Variants in EFCAB14 observed in about 807,000 individuals in gnomAD.
EFCAB14 encodes EF-hand calcium-binding domain-containing protein 14.
EFCAB14 carries 43 observed loss-of-function variants against 56.5 expected under a neutral mutation model. The observed-to-expected ratio is 0.76, with a 90% CI of 0.60 to 0.98. The LOEUF (loss-of-function observed/expected upper bound fraction) is 0.98. Ranked by LOEUF, EFCAB14 falls within the 50% of genes least tolerant of loss-of-function variation. EFCAB14 has a pLI of 0.00. For missense variants in EFCAB14, 538 were observed against 580.3 expected, an observed-to-expected ratio of 0.93 and a Z score of 0.75; for synonymous variants, 235 against 212.9, an observed-to-expected ratio of 1.10 and a Z score of -0.90.
intron 10 of EFCAB14, among the ~76,000 whole-genome samples, chr1:46,681,761 G>C (rs961572193): frequency 6.6e-6 from 1 of 151,578 alleles, no homozygotes; most frequent in Admixed American, 6.6e-5. Context: ...TGCTGCCTCA[G>C]GTCATTCCAA....
intron 6 of EFCAB14, among the ~76,000 whole-genome samples, chr1:46,689,118 T>C (rs534434568): frequency 6.6e-6 from 1 of 152,312 alleles, no homozygotes; most frequent in African/African-American, 2.4e-5. Context: ...TTCTCTTTAA[T>C]GTGATTCTGA....
chr1:46,708,894 T>C lies in EFCAB14; in HGVS notation c.335-843A>G, dbSNP rs560484657. ...CTTTAAAGAGCATTTTCCCTTTTCATAGAAAATAAAATATTAATAATGGCT... is the reference window on the plus strand; with the variant it reads ...CTTTAAAGAGCATTTTCCCTTTTCACAGAAAATAAAATATTAATAATGGCT... On this transcript the variant is annotated intron_variant, in intron 2 of 10. Coordinates refer to ENST00000371933, the MANE Select transcript of EFCAB14 (RefSeq NM_014774.3). Among the ~76,000 whole-genome samples the C allele has an allele frequency of 1.5e-3, 223 of 151,400 alleles. 1 individual carries two copies. Among genetic ancestry groups the C allele is most frequent in the Non-Finnish European group, 2.0e-3 (136 of 67,902 alleles).
At chr1:46,704,797 G>C (rs1445009323) in intron 3 of EFCAB14, among the ~76,000 whole-genome samples, 1 of 151,918 alleles carries the variant, frequency 6.6e-6, no homozygotes, top group African/African-American at 2.4e-5. Flanking sequence ...AAAACCAGAG[G>C]TTTCATGAAT....
chr1:46,683,702 G>A (rs1288844929), intron 9 of EFCAB14, among the ~76,000 whole-genome samples: 1 of 152,128 alleles, frequency 6.6e-6, no homozygotes, highest in Non-Finnish European at 1.5e-5. Flanking sequence ...ATGTTTAGAT[G>A]GTAAGAGCTT....
chr1:46,685,649 G>T (rs1676869753), intron 8 of EFCAB14, among the ~76,000 whole-genome samples: 1 of 152,146 alleles, frequency 6.6e-6, no homozygotes, highest in South Asian at 2.1e-4. Flanking sequence ...AACAAAAAAG[G>T]CCTGAAAGTA....
In EFCAB14 at chr1:46,691,919, T is replaced by G; in HGVS notation, c.598A>C (p.Asn200His). ...GCAAGATGGACGCTGTTTAAAGTATTGCCAATGGAAGCTACACTCTGAATG... is the reference window on the plus strand; with the variant it reads ...GCAAGATGGACGCTGTTTAAAGTATGGCCAATGGAAGCTACACTCTGAATG... ...GLQKSVASIG[N>H]TLNSVHLAVE... The change falls in exon 5 of 11, where the codon AAT becomes CAT. Residue 200 changes from asparagine (N) to histidine (H), a missense_variant. By Grantham distance (68) the Asn-to-His change is moderately conservative. Transcript: ENST00000371933. 1 of 1,613,220 alleles carries G rather than the reference T, an allele frequency of 6.2e-7. No individual in the cohort carries two copies. Among genetic ancestry groups the G allele is most frequent in the Non-Finnish European group, 8.5e-7 (1 of 1,179,586 alleles).
intron 6 of EFCAB14, among the ~76,000 whole-genome samples, chr1:46,689,161 C>T (rs762111306): frequency 3.9e-5 from 6 of 152,172 alleles, no homozygotes; most frequent in Non-Finnish European, 5.9e-5. Context: ...CTTGCCTTTT[C>T]GTCTTTAGAC....
Position 46,688,478 on chromosome 1 carries a change from T to C in EFCAB14, c.862A>G (p.Asn288Asp). ...NSALVGYQRQ[N>D]DLKLEGMNET... is the part of the protein sequence containing the mutation. The stretch of plus-strand genomic sequence containing the variant: ...TTCATTCCCTCGAGTTTAAGATCAT[T>C]CTGTCTCTGGTACCCCACTAGGGCA... The change falls in exon 7 of 11, where the codon AAT becomes GAT. Residue 288 changes from asparagine (N) to aspartate (D), a missense_variant. Coordinates refer to ENST00000371933, the MANE Select transcript of EFCAB14 (RefSeq NM_014774.3). The C allele has an allele frequency of 6.2e-7, 1 of 1,614,002 alleles. No individual in the cohort carries two copies. The highest frequency in any genetic ancestry group is 8.5e-7 in the Non-Finnish European group (1 of 1,179,898).
intron 1 of EFCAB14, 150 bp from the exon 2 acceptor site, chr1:46,716,593 A>C (rs1677399046): frequency 1.2e-6 from 1 of 831,324 alleles, no homozygotes; most frequent in East Asian, 2.7e-5. Flanking sequence ...CACTTAAATG[A>C]ATAAATAATA....
In EFCAB14 at chr1:46,696,652, G is replaced by C. The variant is rs756318748; in HGVS notation, c.481-3C>G. On this transcript the variant is annotated splice_region_variant and splice_polypyrimidine_tract_variant and intron_variant, in intron 3 of 10. Coordinates refer to ENST00000371933, the MANE Select transcript of EFCAB14 (RefSeq NM_014774.3). ...ACTGCAGAAGTCAACAGAGAAATCT[G>C]AACAAAAAAGAGTAACAAACAATGA... The C allele has an allele frequency of 1.2e-6, 2 of 1,611,164 alleles. No individual in the cohort carries two copies. The highest frequency in any genetic ancestry group is 3.4e-5 in the Admixed American group (2 of 59,614).
chr1:46,693,432 A>G (rs1677029743), intron 4 of EFCAB14, among the ~76,000 whole-genome samples: 1 of 152,224 alleles, frequency 6.6e-6, no homozygotes, highest in African/African-American at 2.4e-5. Flanking sequence ...TACCACTTCA[A>G]AACTGAGCCA....
In EFCAB14 at chr1:46,683,357, C is replaced by A; in HGVS notation, c.1255G>T (p.Val419Phe). The change falls in exon 10 of 11, where the codon GTT becomes TTT. Residue 419 changes from valine to phenylalanine, a missense_variant. Physicochemically the swap from Val to Phe is conservative, Grantham distance 50. Coordinates refer to ENST00000371933, the MANE Select transcript of EFCAB14 (RefSeq NM_014774.3). ...PKFSQFLGDP[V>F]EKAAQLRPIS... ...GGTCTTAGTTGGGCAGCTTTCTCAACTGGGTCTCCAAGAAACTGTGAAAAT... is the reference window on the plus strand; with the variant it reads ...GGTCTTAGTTGGGCAGCTTTCTCAAATGGGTCTCCAAGAAACTGTGAAAAT... The A allele has an allele frequency of 6.2e-7, 1 of 1,614,090 alleles. No individual in the cohort carries two copies. The highest frequency in any genetic ancestry group is 2.2e-5 in the East Asian group (1 of 44,864).
chr1:46,684,587 T>A lies in EFCAB14; in HGVS notation c.1090A>T (p.Asn364Tyr). 6.2e-7 allele frequency: 1 copy of A among 1,613,982 alleles called. No homozygotes were observed. Among genetic ancestry groups the A allele is most frequent in the Middle Eastern group, 1.7e-4 (1 of 6,060 alleles). The change falls in exon 9 of 11, where the codon AAT (asparagine) becomes TAT (tyrosine). Residue 364 changes from asparagine to tyrosine, a missense_variant. By Grantham distance (143) the Asn-to-Tyr change is moderately radical. Transcript: ENST00000371933. ...TCTCTTAGCTTGGATACCTGAGAATTTGAACTATCTTCTTTCTGCACAAAA... is the reference window on the plus strand; with the variant it reads ...TCTCTTAGCTTGGATACCTGAGAATATGAACTATCTTCTTTCTGCACAAAA... ...IQSIKKEDSS[N>Y]SQVSKLREKL...
chr1:46,706,310 A>G (rs948340726), intron 3 of EFCAB14, among the ~76,000 whole-genome samples: 2 of 152,218 alleles, frequency 1.3e-5, no homozygotes, highest in African/African-American at 2.4e-5. Context: ...CATTAAAAAT[A>G]ATGGCAGGCT....
At chr1:46,700,956 T>TGAGAGA (rs72283851) in intron 3 of EFCAB14, among the ~76,000 whole-genome samples, 144 of 135,212 alleles carry the variant, frequency 1.1e-3, no homozygotes, top group East Asian at 5.1e-3. Context: ...TATGGGGGCA[T>TGAGAGA]GAGAGAGAGA....
chr1:46,708,825 G>T (rs138593360), intron 2 of EFCAB14, among the ~76,000 whole-genome samples: 87 of 152,222 alleles, frequency 5.7e-4, no homozygotes, highest in African/African-American at 2.0e-3. Context: ...TTAGGGATTT[G>T]CCAGCCTGAA....
chr1:46,704,183 T>A (rs1167868572), intron 3 of EFCAB14, among the ~76,000 whole-genome samples: 1 of 151,902 alleles, frequency 6.6e-6, no homozygotes, highest in African/African-American at 2.4e-5. Context: ...CTGGGGGCAG[T>A]GGCTCACATG....
At chr1:46,684,867 G>A (rs1277507684) in intron 8 of EFCAB14, among the ~76,000 whole-genome samples, 2 of 152,214 alleles carry the variant, frequency 1.3e-5, no homozygotes, top group African/African-American at 2.4e-5. Context: ...ATGGGGGAAG[G>A]AATGCATGTG....
chr1:46,678,166 C>T lies in EFCAB14; in HGVS notation c.*295G>A, dbSNP rs1676725098. On this transcript the variant is annotated 3_prime_UTR_variant, in exon 11 of 11. Coordinates refer to ENST00000371933, the MANE Select transcript of EFCAB14 (RefSeq NM_014774.3). Reference sequence around the variant, plus strand: ...TCCCAGCTTTAAAAGATAAGGTCTCCTCCCCTCAAAAAAAGGAAAGAGAAA... The same window carrying T: ...TCCCAGCTTTAAAAGATAAGGTCTCTTCCCCTCAAAAAAAGGAAAGAGAAA... 4.0e-6 allele frequency: 1 copy of T among 250,356 alleles called. No individual in the cohort carries two copies. The highest frequency in any genetic ancestry group is 5.5e-5 in the Admixed American group (1 of 18,092). The allele number at this position is 250,356 out of a possible 1,614,324, so 15.5% of individuals were successfully genotyped here.
Sources: gnomAD v4.1 joint callset for allele counts (sites outside exome capture counted in the v4.1 genomes callset) on GRCh38, gnomAD v4.1.1 for gene constraint, MANE v1.5 for transcripts, NCBI Gene and HGNC (gene_info 2026-07-23, HGNC 2026-07-21) for gene names.